The following WDPCP variants were observed in gnomAD, a reference collection of about 807,000 sequenced individuals.
WDPCP encodes the protein WD repeat-containing and planar cell polarity effector protein fritz homolog.
WDPCP carries 71 observed loss-of-function variants against 93.1 expected under a neutral mutation model. The ratio of observed to expected loss-of-function variants is 0.76; its 90% CI spans 0.63 to 0.93. The LOEUF (loss-of-function observed/expected upper bound fraction) is 0.93. Ranked by LOEUF, WDPCP falls within the 40% of genes least tolerant of loss-of-function variation. The pLI is 0.00. For synonymous variants in WDPCP, 315 were observed against 315.0 expected, an observed-to-expected ratio of 1.00 and a Z score of 0.00; for missense variants, 844 against 887.4, an observed-to-expected ratio of 0.95 and a Z score of 0.62.
chr2:63,492,077 ACT>A (rs1491556546), intron 2 of WDPCP, among the ~76,000 whole-genome samples: 8 of 57,254 alleles, frequency 1.4e-4, no homozygotes, highest in Admixed American at 4.1e-4. Flanking sequence ...AAGCAGATAA[ACT>A]TGATGAAAAT....
chr2:63,832,152 C>G (rs192741229), upstream of WDPCP, among the ~76,000 whole-genome samples: 1 of 152,192 alleles, frequency 6.6e-6, no homozygotes, highest in Non-Finnish European at 1.5e-5. Context: ...TTAATGAGAG[C>G]TGGATAGCCT....
chr2:63,283,457 C>G (rs987037440), intron 13 of WDPCP, among the ~76,000 whole-genome samples: 1 of 152,148 alleles, frequency 6.6e-6, no homozygotes, highest in Non-Finnish European at 1.5e-5. Context: ...CAAATACAGC[C>G]TATGACCAGT....
chr2:63,483,703 AAATT>A (rs1400190270), intron 6 of WDPCP, among the ~76,000 whole-genome samples: 1 of 152,042 alleles, frequency 6.6e-6, no homozygotes, highest in East Asian at 1.9e-4. Context: ...AAAAGAATTT[AAATT>A]AATATAGGAA....
chr2:63,140,411 C>T (rs931143711), intron 17 of WDPCP, among the ~76,000 whole-genome samples: 1 of 152,098 alleles, frequency 6.6e-6, no homozygotes, highest in Non-Finnish European at 1.5e-5. Context: ...GCAGTATGGT[C>T]ATTTTCACAA....
intron 16 of WDPCP, 61 bp downstream of exon 16, chr2:63,153,434 C>T: frequency 7.6e-7 from 1 of 1,319,620 alleles, no homozygotes; most frequent in Non-Finnish European, 1.1e-6. Flanking sequence ...AAAGTTCTTG[C>T]AAGCTATAAC....
At chr2:63,836,149 C>T in the WDPCP span, among the ~76,000 whole-genome samples, 4 of 152,302 alleles carry the variant, frequency 2.6e-5, no homozygotes, top group African/African-American at 7.2e-5. Flanking sequence ...GCCATTGCAC[C>T]CAGCTGAGAA....
chr2:63,551,426 T>C (rs1366707986), intron 1 of WDPCP, among the ~76,000 whole-genome samples: 1 of 152,044 alleles, frequency 6.6e-6, no homozygotes, highest in Non-Finnish European at 1.5e-5. Context: ...TGAGTTCAAG[T>C]GAGATCGGGT....
intron 2 of WDPCP, among the ~76,000 whole-genome samples, chr2:63,489,738 A>T (rs900493508): frequency 6.6e-6 from 1 of 152,168 alleles, no homozygotes; most frequent in Admixed American, 6.5e-5. Context: ...TATGACTATA[A>T]CAACTCCATA....
At chr2:63,696,297 C>A (rs998793589) in intron 2 of WDPCP, among the ~76,000 whole-genome samples, 4 of 74,756 alleles carry the variant, frequency 5.4e-5, no homozygotes, top group Non-Finnish European at 8.4e-5. Flanking sequence ...CGATCCGTTG[C>A]TAATACCCCA....
chr2:63,522,581 A>G (rs527537742), intron 1 of WDPCP, among the ~76,000 whole-genome samples: 11 of 152,086 alleles, frequency 7.2e-5, no homozygotes, highest in Admixed American at 1.3e-4. Flanking sequence ...ACTAATAAAG[A>G]AAAAGAGAGA....
At chr2:63,327,714 C>T (rs4313961) in intron 12 of WDPCP, among the ~76,000 whole-genome samples, 121,730 of 152,054 alleles carry the variant, frequency 0.8, 49,601 homozygotes, top group East Asian at 0.96. Context: ...TTGGGCAACA[C>T]GTCTTCTCCT....
chr2:63,622,075 T>G, intron 3 of WDPCP: 1 of 1,034,444 alleles, frequency 9.7e-7, no homozygotes, highest in Non-Finnish European at 1.3e-6. Context: ...TCTTTTTTTT[T>G]TTTTTTTTTG....
intron 13 of WDPCP, among the ~76,000 whole-genome samples, chr2:63,297,217 T>C (rs1180915185): frequency 1.3e-5 from 2 of 152,144 alleles, no homozygotes; most frequent in African/African-American, 2.4e-5. Flanking sequence ...GTGGTTTATA[T>C]AGCATTTTCA....
chr2:63,836,665 T>C, the WDPCP span, among the ~76,000 whole-genome samples: 1 of 152,204 alleles, frequency 6.6e-6, no homozygotes, highest in Non-Finnish European at 1.5e-5. Context: ...CTATTGCCTC[T>C]ATCATCAAAG....
In WDPCP at chr2:63,174,770, C is replaced by T; in HGVS notation, c.1978G>A (p.Ala660Thr). The T allele has an allele frequency of 2.5e-6, 4 of 1,613,896 alleles. No individual in the cohort carries two copies. The highest frequency in any genetic ancestry group is 3.4e-6 in the Non-Finnish European group (4 of 1,179,914). ...LNEAFIGLSL[A>T]PQGEDSFPDN... The stretch of plus-strand genomic sequence containing the variant: ...GGAAATGAGTCTTCTCCTTGAGGTG[C>T]TAAAGACAGGCCAATAAATGCTTCA... The change falls in exon 15 of 18, where the codon GCA becomes ACA. Residue 660 changes from alanine (A) to threonine (T), a missense_variant. Coordinates refer to ENST00000272321, the MANE Select transcript of WDPCP (RefSeq NM_015910.7).
At chr2:63,328,533 T>G (rs1472499739) in intron 12 of WDPCP, among the ~76,000 whole-genome samples, 1 of 152,066 alleles carries the variant, frequency 6.6e-6, no homozygotes, top group East Asian at 1.9e-4. Flanking sequence ...GTGGCTTAAC[T>G]CCTGAAGTCA....
intron 1 of WDPCP, among the ~76,000 whole-genome samples, chr2:63,587,939 C>T (rs1307973825): frequency 6.6e-6 from 1 of 152,252 alleles, no homozygotes; most frequent in East Asian, 1.9e-4. Context: ...GGCTCACCTC[C>T]TACAAAGTAA....
At chr2:63,460,438 A>C (rs2105744922) in intron 6 of WDPCP, among the ~76,000 whole-genome samples, 1 of 152,312 alleles carries the variant, frequency 6.6e-6, no homozygotes, top group East Asian at 1.9e-4. Flanking sequence ...ACTTAGCAAC[A>C]ATATTATGTA....
At chr2:63,196,138 T>A (rs1207485497) in intron 14 of WDPCP, among the ~76,000 whole-genome samples, 1 of 152,264 alleles carries the variant, frequency 6.6e-6, no homozygotes, top group African/African-American at 2.4e-5. Context: ...ACCAGAAACC[T>A]TGAATAACAC....
Sources: allele counts gnomAD v4.1 joint callset (sites outside exome capture counted in the v4.1 genomes callset), GRCh38; gene constraint gnomAD v4.1.1; transcripts MANE v1.5; gene names NCBI Gene and HGNC (gene_info 2026-07-23, HGNC 2026-07-21).